The following MGLL variants were observed in gnomAD, a reference collection of about 807,000 sequenced individuals.
MGLL encodes the protein monoglyceride lipase.
MGLL carries 7 observed loss-of-function variants against 29.1 expected under a neutral mutation model. The ratio of observed to expected loss-of-function variants is 0.24; its 90% confidence interval spans 0.14 to 0.45. MGLL has a LOEUF of 0.45. Ranked by LOEUF, MGLL falls within the 20% of genes least tolerant of loss-of-function variation. The probability of loss-of-function intolerance (pLI) is 0.99; values close to 1 mark genes in which losing one functional copy is unlikely to be tolerated. For synonymous variants in MGLL, 148 were observed against 168.3 expected (o/e 0.88, Z 0.93); for missense variants, 356 against 413.6 (o/e 0.86, Z 1.21).
chr3:127,815,602 G>A (rs1482574401), intron 2 of MGLL, among the ~76,000 whole-genome samples: 1 of 152,182 alleles, frequency 6.6e-6, no homozygotes, highest in Non-Finnish European at 1.5e-5. Context: ...CCACCCTTTG[G>A]CTCATGCTTT....
chr3:127,763,910 C>T (rs557808678), intron 3 of MGLL, among the ~76,000 whole-genome samples: 88 of 152,312 alleles, frequency 5.8e-4, no homozygotes, highest in African/African-American at 2.0e-3. Context: ...GTCTCAGCTG[C>T]GTGCTGGGAA....
intron 3 of MGLL, among the ~76,000 whole-genome samples, chr3:127,731,247 T>G (rs772064477): frequency 2.8e-4 from 42 of 152,034 alleles, no homozygotes; most frequent in Non-Finnish European, 4.9e-4. Context: ...TTCAAACTCC[T>G]GGGCTCAAGC....
intron 2 of MGLL, among the ~76,000 whole-genome samples, chr3:127,788,596 G>A (rs937961448): frequency 7.2e-5 from 11 of 152,202 alleles, no homozygotes; most frequent in Non-Finnish European, 1.5e-4. Flanking sequence ...AGGGAAAGAC[G>A]TGTGGTTCCT....
Position 127,793,988 on chromosome 3 carries a change from A to G in MGLL, c.156-12093T>C, listed in dbSNP as rs534416360. On this transcript the variant is annotated intron_variant, in intron 2 of 7. Transcript: ENST00000265052. Reference sequence around the variant, plus strand: ...CGTCTATGATGTTAGACTATCTTCTATGAAGTCCGGCTGTCTTCTGTGATA... The same window carrying G: ...CGTCTATGATGTTAGACTATCTTCTGTGAAGTCCGGCTGTCTTCTGTGATA... 1.2e-4 allele frequency among the ~76,000 whole-genome samples: 18 copies of G among 152,342 alleles called. No homozygotes were observed. The East Asian group carries it at 1.5e-3, about 13-fold the overall frequency.
At chr3:127,782,509 A>G (rs1276824446) in intron 2 of MGLL, among the ~76,000 whole-genome samples, 1 of 152,202 alleles carries the variant, frequency 6.6e-6, no homozygotes, top group Non-Finnish European at 1.5e-5. Context: ...TGTGAGGCTC[A>G]TGGGAGCTAA....
At chr3:127,741,873 T>G (rs1457405118) in intron 3 of MGLL, among the ~76,000 whole-genome samples, 6 of 152,242 alleles carry the variant, frequency 3.9e-5, no homozygotes, top group Non-Finnish European at 7.3e-5. Context: ...AATCTGTGAT[T>G]TTTTTGCACA....
intron 6 of MGLL, among the ~76,000 whole-genome samples, chr3:127,701,998 T>C (rs1369466237): frequency 6.6e-6 from 1 of 152,150 alleles, no homozygotes; most frequent in Non-Finnish European, 1.5e-5. Flanking sequence ...AGAGCTGTGA[T>C]AGCAACAGCT....
chr3:127,760,070 G>A (rs562184927), intron 3 of MGLL, among the ~76,000 whole-genome samples: 9 of 152,312 alleles, frequency 5.9e-5, no homozygotes, highest in East Asian at 1.9e-4. Flanking sequence ...CAGGGAGAGC[G>A]CTGGATGTGC....
chr3:127,747,348 G>A (rs1405603307), intron 3 of MGLL, among the ~76,000 whole-genome samples: 1 of 152,086 alleles, frequency 6.6e-6, no homozygotes, highest in African/African-American at 2.4e-5. Context: ...CTCTCCCCTA[G>A]AAAAACCCCC....
intron 3 of MGLL, among the ~76,000 whole-genome samples, chr3:127,762,038 C>G (rs770839357): frequency 1.3e-5 from 2 of 151,900 alleles, no homozygotes; most frequent in Non-Finnish European, 2.9e-5. Context: ...CTTGTTGTCT[C>G]TCCTGTAAAA....
At chr3:127,696,301 G>A (rs559126681) in intron 6 of MGLL, among the ~76,000 whole-genome samples, 170 of 145,500 alleles carry the variant, frequency 1.2e-3, no homozygotes, top group Non-Finnish European at 2.3e-3. Context: ...AGGCTCCACT[G>A]CCCTGATCTC....
intron 3 of MGLL, among the ~76,000 whole-genome samples, chr3:127,763,309 C>T (rs1379847256): frequency 6.6e-6 from 1 of 152,204 alleles, no homozygotes; most frequent in African/African-American, 2.4e-5. Flanking sequence ...ATAGCAACAA[C>T]TGCCAAAGAC....
intron 2 of MGLL, among the ~76,000 whole-genome samples, chr3:127,786,982 C>T (rs1037606921): frequency 6.6e-6 from 1 of 152,226 alleles, no homozygotes; most frequent in African/African-American, 2.4e-5. Context: ...GTTTCTCCAC[C>T]TGAGACACAG....
intron 3 of MGLL, among the ~76,000 whole-genome samples, chr3:127,759,309 G>A (rs554548549): frequency 2.3e-4 from 35 of 152,226 alleles, no homozygotes; most frequent in African/African-American, 7.5e-4. Context: ...AGAGTCAGGC[G>A]GCTCTCAACC....
chr3:127,692,532 C>T (rs764374318), intron 7 of MGLL, among the ~76,000 whole-genome samples: 13 of 152,196 alleles, frequency 8.5e-5, no homozygotes, highest in African/African-American at 3.1e-4. Flanking sequence ...AGTGTGTTCT[C>T]GAACTTCCTT....
chr3:127,692,706 G>A (rs547674766), intron 7 of MGLL, among the ~76,000 whole-genome samples: 5 of 152,218 alleles, frequency 3.3e-5, no homozygotes, highest in Admixed American at 1.3e-4. Context: ...TTCCACTCCC[G>A]CCAACCCACG....
chr3:127,801,302 CAAA>C (rs1167832631), intron 2 of MGLL, among the ~76,000 whole-genome samples: 5 of 55,044 alleles, frequency 9.1e-5, no homozygotes, highest in Admixed American at 2.3e-4. Context: ...AACTCCATCT[CAAA>C]AAAAAAAAAA....
In MGLL at chr3:127,759,427, A is replaced by AC. The variant is rs751498510; in HGVS notation, c.262+22361dup. Among the ~76,000 whole-genome samples, 14 of 151,920 alleles carry AC rather than the reference A, an allele frequency of 9.2e-5. No individual in the cohort carries two copies. The Middle Eastern group carries it at 0.01, about 111-fold the overall frequency. The stretch of plus-strand genomic sequence containing the variant: ...ACCTGATGTGACCAAGGCTCTCAGC[A>AC]CCGTGCCTGGTACACAGTAGATGCT... On this transcript the variant is annotated intron_variant, in intron 3 of 7. Transcript: ENST00000265052.
intron 2 of MGLL, among the ~76,000 whole-genome samples, chr3:127,813,973 C>T (rs925449173): frequency 1.3e-5 from 2 of 151,812 alleles, no homozygotes; most frequent in African/African-American, 4.8e-5. Flanking sequence ...TCCCCTTCCC[C>T]TCTTCTCTTC....
Sources: gnomAD v4.1 joint callset for allele counts (sites outside exome capture counted in the v4.1 genomes callset) on GRCh38, gnomAD v4.1.1 for gene constraint, MANE v1.5 for transcripts, NCBI Gene and HGNC (gene_info 2026-07-23, HGNC 2026-07-21) for gene names.